The following CTNNA3 variants were observed in gnomAD, a reference collection of about 807,000 sequenced individuals.
The protein encoded by CTNNA3 is catenin alpha-3.
CTNNA3 carries 76 observed loss-of-function variants against 95.7 expected under a neutral mutation model. The observed-to-expected ratio is 0.79, with a 90% CI of 0.66 to 0.96. CTNNA3 has a LOEUF of 0.96. CTNNA3 is among the 40% of genes least tolerant of loss of function. CTNNA3 has a pLI of 0.00. For synonymous variants in CTNNA3, 431 were observed against 374.4 expected (o/e 1.15, Z -1.74); for missense variants, 1,191 against 1,089.8 (o/e 1.09, Z -1.31).
intron 2 of CTNNA3, among the ~76,000 whole-genome samples, chr10:67,642,563 C>T (rs572731301): frequency 1.3e-5 from 2 of 152,098 alleles, no homozygotes; most frequent in South Asian, 4.2e-4. Context: ...ACTAAGAATA[C>T]AAAAATTAAC....
At chr10:66,611,960 C>T (rs980411598) in intron 10 of CTNNA3, among the ~76,000 whole-genome samples, 2 of 152,058 alleles carry the variant, frequency 1.3e-5, no homozygotes, top group Non-Finnish European at 1.5e-5. Context: ...ATCTCAAGTT[C>T]TTGTAGTTTT....
At chr10:66,832,289 G>A (rs913378090) in intron 7 of CTNNA3, among the ~76,000 whole-genome samples, 1 of 152,052 alleles carries the variant, frequency 6.6e-6, no homozygotes, top group Non-Finnish European at 1.5e-5. Flanking sequence ...CTTAATTTTT[G>A]AAAGTCTCAT....
intron 5 of CTNNA3, among the ~76,000 whole-genome samples, chr10:67,511,923 G>A (rs1839647856): frequency 6.6e-6 from 1 of 152,074 alleles, no homozygotes; most frequent in Non-Finnish European, 1.5e-5. Context: ...TTTAGTCTTG[G>A]GAGGGTGTAT....
At chr10:66,459,352 T>C (rs948592284) in intron 11 of CTNNA3, among the ~76,000 whole-genome samples, 2 of 152,110 alleles carry the variant, frequency 1.3e-5, no homozygotes, top group Non-Finnish European at 2.9e-5. Context: ...TAAATGCAGA[T>C]TTTCGACTGC....
chr10:67,710,192 G>A (rs1302579635), intron 1 of CTNNA3, among the ~76,000 whole-genome samples: 1 of 152,154 alleles, frequency 6.6e-6, no homozygotes, highest in Non-Finnish European at 1.5e-5. Flanking sequence ...GATAAATTCT[G>A]TAAACAGCCC....
intron 13 of CTNNA3, among the ~76,000 whole-genome samples, chr10:66,259,320 C>T (rs1486458523): frequency 6.6e-6 from 1 of 152,048 alleles, no homozygotes; most frequent in African/African-American, 2.4e-5. Flanking sequence ...CAGGAAGTAA[C>T]CAGACAGACC....
At chr10:66,894,085 T>C (rs1411207330) in intron 7 of CTNNA3, among the ~76,000 whole-genome samples, 6 of 152,190 alleles carry the variant, frequency 3.9e-5, no homozygotes, top group African/African-American at 1.4e-4. Flanking sequence ...TAACAAAATA[T>C]ATACAAATAA....
intron 3 of CTNNA3, among the ~76,000 whole-genome samples, chr10:67,604,661 T>G (rs1843205701): frequency 6.6e-6 from 1 of 152,158 alleles, no homozygotes; most frequent in Admixed American, 6.5e-5. Flanking sequence ...GACGCCAATA[T>G]GACAAACCTG....
At chr10:67,599,481 TAA>T (rs1249386400) in intron 3 of CTNNA3, among the ~76,000 whole-genome samples, 1 of 152,042 alleles carries the variant, frequency 6.6e-6, no homozygotes, top group Non-Finnish European at 1.5e-5. Context: ...AAATAGATTT[TAA>T]AAGAGGCTAG....
chr10:66,715,482 C>T (rs1848422227), intron 9 of CTNNA3, among the ~76,000 whole-genome samples: 1 of 152,102 alleles, frequency 6.6e-6, no homozygotes, highest in South Asian at 2.1e-4. Context: ...CTACATACCA[C>T]ATTTAAATAT....
rs548082605 is a variant in CTNNA3, at chr10:66,158,645, C to A, written c.1885-55396G>T. Among the ~76,000 whole-genome samples, 25 of 151,924 alleles carry A rather than the reference C, an allele frequency of 1.6e-4. No individual in the cohort carries two copies. In the East Asian group the frequency reaches 4.5e-3, roughly 27 times the overall value. The stretch of plus-strand genomic sequence containing the variant: ...TGGCTATGCAGGCTCTTTTTTGGTT[C>A]CATATGAATTTTAGAATTGTTTTTT... On this transcript the variant is annotated intron_variant, in intron 13 of 17. Coordinates refer to ENST00000433211, the MANE Select transcript of CTNNA3 (RefSeq NM_013266.4).
chr10:67,498,600 C>G (rs1839114112), intron 5 of CTNNA3, among the ~76,000 whole-genome samples: 2 of 152,082 alleles, frequency 1.3e-5, no homozygotes, highest in Admixed American at 1.3e-4. Context: ...TGTGTCCTCT[C>G]TTATTTCCTT....
rs1432373855 is a variant in CTNNA3 at position 65,951,447 on chromosome 10, G to C, written c.2400+15165C>G. 1.6e-4 allele frequency among the ~76,000 whole-genome samples: 24 copies of C among 152,114 alleles called. 2 individuals carry two copies. The highest frequency in any genetic ancestry group is 1.6e-3 in the Admixed American group (24 of 15,276). ...TAGCCTCATGTTAGCTTCTCATTTT[G>C]AGGCTGAAGTGTCTGTTCTGATTAG... On this transcript the variant is annotated intron_variant, in intron 17 of 17. Transcript: ENST00000433211.
At chr10:67,613,073 G>T (rs990710890) in intron 2 of CTNNA3, among the ~76,000 whole-genome samples, 8 of 152,140 alleles carry the variant, frequency 5.3e-5, no homozygotes, top group South Asian at 4.1e-4. Context: ...AGGCAATTTT[G>T]ATCTCACTGC....
chr10:66,433,550 G>A (rs1399462790), intron 11 of CTNNA3, among the ~76,000 whole-genome samples: 1 of 152,114 alleles, frequency 6.6e-6, no homozygotes, highest in East Asian at 1.9e-4. Context: ...TTAGCCCTTT[G>A]TCAAATGGAT....
intron 7 of CTNNA3, among the ~76,000 whole-genome samples, chr10:66,814,270 A>G (rs889326490): frequency 5.4e-4 from 78 of 145,500 alleles, no homozygotes; most frequent in Non-Finnish European, 8.3e-4. Context: ...AGGAAAGAAA[A>G]AAAAAAAAAA....
chr10:66,757,697 G>A (rs993603802), intron 9 of CTNNA3, among the ~76,000 whole-genome samples: 10 of 152,134 alleles, frequency 6.6e-5, no homozygotes, highest in East Asian at 1.9e-4. Context: ...GTCCAAAAGC[G>A]TTCAGAAAGG....
At chr10:66,935,895 T>G (rs1847668384) in intron 7 of CTNNA3, among the ~76,000 whole-genome samples, 2 of 152,146 alleles carry the variant, frequency 1.3e-5, no homozygotes, top group Admixed American at 1.3e-4. Flanking sequence ...CTAAAATAAT[T>G]TATACCCCAC....
At chr10:67,670,187 A>G (rs1318468002) in intron 1 of CTNNA3, among the ~76,000 whole-genome samples, 1 of 152,172 alleles carries the variant, frequency 6.6e-6, no homozygotes, top group Admixed American at 6.5e-5. Flanking sequence ...TCAGTCACTG[A>G]GGCTATATTA....
Sources: allele counts gnomAD v4.1 joint callset (sites outside exome capture counted in the v4.1 genomes callset), GRCh38; gene constraint gnomAD v4.1.1; transcripts MANE v1.5; gene names NCBI Gene and HGNC (gene_info 2026-07-23, HGNC 2026-07-21).